EP300: variants seen among roughly 807,000 people sequenced by gnomAD.
The protein encoded by EP300 is histone acetyltransferase p300.
EP300 carries 31 observed loss-of-function variants against 264.0 expected under a neutral mutation model. That is an observed-to-expected ratio of 0.12 (90% CI 0.09 to 0.16). EP300 has a LOEUF of 0.16. Ranked by LOEUF, EP300 falls within the 10% of genes least tolerant of loss-of-function variation. EP300 has a pLI of 1.00. For synonymous variants in EP300, 1,340 were observed against 1,045.4 expected (o/e 1.28, Z -5.44); for missense variants, 2,766 against 3,052.9 (o/e 0.91, Z 2.21).
intron 28 of EP300, among the ~76,000 whole-genome samples, 188 bp from the exon 29 acceptor site, chr22:41,173,435 A>G (rs182457019): frequency 6.6e-6 from 1 of 152,356 alleles, no homozygotes; most frequent in African/African-American, 2.4e-5. Context: ...TGCCTTAAAG[A>G]TCACTGGGAG....
At chr22:41,167,556 A>C (rs1018152507) in intron 23 of EP300, among the ~76,000 whole-genome samples, 2 of 106,936 alleles carry the variant, frequency 1.9e-5, no homozygotes, top group African/African-American at 7.0e-5. Flanking sequence ...CATTGTTTAT[A>C]TATTTGTGTG....
chr22:41,155,321 C>T (rs914781015), intron 17 of EP300, among the ~76,000 whole-genome samples: 19 of 152,034 alleles, frequency 1.2e-4, no homozygotes, highest in Non-Finnish European at 2.6e-4. Flanking sequence ...CTCCACCTCC[C>T]GGGCTCAGGT....
intron 3 of EP300, among the ~76,000 whole-genome samples, chr22:41,126,940 C>G (rs2058886267): frequency 6.6e-6 from 1 of 151,764 alleles, no homozygotes; most frequent in Admixed American, 6.6e-5. Context: ...GACAGGGTTT[C>G]TCCATGTTGG....
intron 1 of EP300, among the ~76,000 whole-genome samples, chr22:41,094,827 T>C (rs544438218): frequency 2.6e-5 from 4 of 152,322 alleles, no homozygotes; most frequent in African/African-American, 7.2e-5. Context: ...TTGTGTACTT[T>C]GAGTAGTCCT....
intron 1 of EP300, among the ~76,000 whole-genome samples, chr22:41,113,001 TTCAGTAAAAAGGATTTATTTTAA>T (rs1329977001): frequency 1.3e-5 from 2 of 152,174 alleles, no homozygotes; most frequent in Non-Finnish European, 2.9e-5. Context: ...ATGTATATCT[TTCAGTAAAAAGGATTTATTTTAA>T]AATAATGCCA....
In EP300 at chr22:41,177,921, G is replaced by A. The variant is rs11912899; in HGVS notation, c.6210G>A (p.Val2070=). The part of the protein sequence containing the change: ...SPSSPLQQQQ[V]LSILHANPQL... Reference sequence around the variant, plus strand: ...GCTCTCCCCTGCAGCAGCAACAGGTGCTTAGTATCCTTCACGCCAACCCCC... The same window carrying A: ...GCTCTCCCCTGCAGCAGCAACAGGTACTTAGTATCCTTCACGCCAACCCCC... Residue 2070 remains valine (V), a synonymous_variant, in exon 31 of 31, where the codon GTG becomes GTA. Transcript: ENST00000263253. The A allele has an allele frequency of 2.3e-4, 370 of 1,614,154 alleles. 3 individuals carry two copies. The African/African-American group carries it at 3.7e-3, about 16-fold the overall frequency.
chr22:41,119,899 C>A (rs2058842985), intron 2 of EP300, among the ~76,000 whole-genome samples: 1 of 152,148 alleles, frequency 6.6e-6, no homozygotes, highest in Non-Finnish European at 1.5e-5. Flanking sequence ...ACTGCAACCT[C>A]TGCCTCCCGG....
Position 41,178,973 on chromosome 22 carries a change from T to C in EP300, c.*17T>C. 1 of 1,539,124 alleles carries C rather than the reference T, an allele frequency of 6.5e-7. No individual in the cohort carries two copies. The highest frequency in any genetic ancestry group is 8.9e-7 in the Non-Finnish European group (1 of 1,121,816). ...ATACACTAGAGACACCTTGTAGTAT[T>C]TTGGGAGCAAAAAAATTATTTTCTC... On this transcript the variant is annotated 3_prime_UTR_variant, in exon 31 of 31. Coordinates refer to ENST00000263253, the MANE Select transcript of EP300 (RefSeq NM_001429.4).
At chr22:41,170,916 G>A (rs1276589551) in intron 27 of EP300, among the ~76,000 whole-genome samples, 1 of 150,276 alleles carries the variant, frequency 6.7e-6, no homozygotes, top group East Asian at 2.0e-4. Flanking sequence ...GCCCGCCTTG[G>A]CCTCCCAAAG....
Position 41,168,737 on chromosome 22 carries a change from G to C in EP300, c.4042G>C (p.Glu1348Gln), listed in dbSNP as rs2145763355. The C allele has an allele frequency of 6.2e-7, 1 of 1,614,214 alleles. No homozygotes were observed. Among genetic ancestry groups the C allele is most frequent in the Non-Finnish European group, 8.5e-7 (1 of 1,180,046 alleles). The part of the protein sequence containing the change: ...GMKARFVDSG[E>Q]MAESFPYRTK... ...ATTGTATAGGTTTGTGGACAGTGGA[G>C]AGATGGCAGAATCCTTTCCATACCG... The change falls in exon 25 of 31, where the codon GAG (glutamate) becomes CAG (glutamine). Residue 1348 changes from glutamate to glutamine, a missense_variant. Transcript: ENST00000263253.
chr22:41,115,776 C>A (rs2058817486), intron 1 of EP300, among the ~76,000 whole-genome samples: 1 of 152,156 alleles, frequency 6.6e-6, no homozygotes, highest in Non-Finnish European at 1.5e-5. Context: ...GTGTTGTACC[C>A]TATTCTGGCT....
chr22:41,154,843 GTGAT>G, intron 16 of EP300, 148 bp from the exon 17 acceptor site: 1 of 654,994 alleles, frequency 1.5e-6, no homozygotes, highest in South Asian at 1.7e-5. Context: ...TCTAGAATCA[GTGAT>G]TGAGCCTGTA....
chr22:41,146,012 C>T (rs1238264538), intron 10 of EP300, among the ~76,000 whole-genome samples: 2 of 152,012 alleles, frequency 1.3e-5, no homozygotes, highest in Non-Finnish European at 2.9e-5. Flanking sequence ...TCAATGTTCA[C>T]AGTTTATGTG....
intron 1 of EP300, among the ~76,000 whole-genome samples, chr22:41,110,601 A>T (rs1569086854): frequency 1.3e-5 from 2 of 151,948 alleles, no homozygotes; most frequent in Non-Finnish European, 2.9e-5. Context: ...TCCGGCCTAT[A>T]TCCAGCTAAT....
At chr22:41,117,082 G>A (rs2145696099) in intron 1 of EP300, 105 bp from the exon 2 acceptor site, 5 of 989,134 alleles carry the variant, frequency 5.1e-6, no homozygotes, top group Admixed American at 2.0e-5. Flanking sequence ...AAAACATGGA[G>A]TGAGGTTGGG....
At chr22:41,162,090 A>G (rs1290301646) in intron 20 of EP300, among the ~76,000 whole-genome samples, 1 of 152,178 alleles carries the variant, frequency 6.6e-6, no homozygotes, top group Admixed American at 6.5e-5. Flanking sequence ...GCAGGCCTGT[A>G]GTGGATCCAA....
At chr22:41,176,055 A>G (rs2059198551) in intron 29 of EP300, 192 bp from the exon 30 acceptor site, 1 of 649,814 alleles carries the variant, frequency 1.5e-6, no homozygotes, top group South Asian at 1.9e-5. Context: ...CCTCGTCTCT[A>G]CAAAAAATGC....
chr22:41,173,458 A>C (rs1399100129), intron 28 of EP300, among the ~76,000 whole-genome samples, 165 bp from the exon 29 acceptor site: 4 of 152,238 alleles, frequency 2.6e-5, no homozygotes, highest in Non-Finnish European at 5.9e-5. Flanking sequence ...AATTAGGTCA[A>C]ATAACAACTT....
chr22:41,140,049 C>A (rs1382722335), intron 8 of EP300, 91 bp from the exon 9 acceptor site: 7 of 886,040 alleles, frequency 7.9e-6, no homozygotes, highest in African/African-American at 6.6e-5. Context: ...ATTATTTTTT[C>A]TTTTCCTCTA....
Sources: gnomAD v4.1 joint callset for allele counts (sites outside exome capture counted in the v4.1 genomes callset) on GRCh38, gnomAD v4.1.1 for gene constraint, MANE v1.5 for transcripts, NCBI Gene and HGNC (gene_info 2026-07-23, HGNC 2026-07-21) for gene names.